The following SNX29 variants were observed in gnomAD, a reference collection of about 807,000 sequenced individuals.
The protein encoded by SNX29 is sorting nexin 29, also known as sorting nexin-29.
In SNX29, 78 loss-of-function variants were observed where a neutral mutation model predicts 102.1. The observed-to-expected ratio is 0.76, with a 90% confidence interval of 0.64 to 0.92. The LOEUF is 0.92. SNX29 is among the 40% of genes least tolerant of loss of function. The pLI, the probability that SNX29 is intolerant of heterozygous loss-of-function variation, is 0.00. For missense variants in SNX29, 1,280 were observed against 1,061.7 expected (o/e 1.21, Z -2.86); for synonymous variants, 580 against 414.5 (o/e 1.40, Z -4.85).
At chr16:12,536,932 C>T (rs970381328) in intron 20 of SNX29, among the ~76,000 whole-genome samples, 3 of 152,094 alleles carry the variant, frequency 2.0e-5, no homozygotes, top group South Asian at 2.1e-4. Context: ...GCCGAGATCA[C>T]AGCACTGCAC....
intron 14 of SNX29, among the ~76,000 whole-genome samples, chr16:12,248,802 T>C (rs555062291): frequency 2.8e-4 from 43 of 152,004 alleles, no homozygotes; most frequent in Non-Finnish European, 5.7e-4. Flanking sequence ...GTGCAGCTTT[T>C]AGCAGCACAT....
intron 15 of SNX29, among the ~76,000 whole-genome samples, chr16:12,328,318 T>C (rs2081185701): frequency 6.6e-6 from 1 of 152,256 alleles, no homozygotes; most frequent in Non-Finnish European, 1.5e-5. Flanking sequence ...AGATTATTTA[T>C]TGTAGCAACT....
At chr16:12,010,563 C>T (rs1182347552) in intron 3 of SNX29, among the ~76,000 whole-genome samples, 2 of 152,064 alleles carry the variant, frequency 1.3e-5, no homozygotes, top group African/African-American at 4.8e-5. Context: ...GAGGTCGAGG[C>T]TGCAGTGAGT....
At chr16:12,294,633 A>G (rs143319093) in intron 15 of SNX29, among the ~76,000 whole-genome samples, 2 of 152,224 alleles carry the variant, frequency 1.3e-5, no homozygotes, top group African/African-American at 4.8e-5. Flanking sequence ...GCCTATGCTC[A>G]GCGGGGAGCA....
intron 4 of SNX29, among the ~76,000 whole-genome samples, chr16:12,030,463 C>T (rs550807239): frequency 1.4e-4 from 22 of 152,354 alleles, no homozygotes; most frequent in African/African-American, 5.1e-4. Flanking sequence ...GGCTTCCTCC[C>T]AGCCTTCTCC....
At chr16:12,006,516 GAAAAA>G (rs758929005) in intron 3 of SNX29, among the ~76,000 whole-genome samples, 1 of 54,368 alleles carries the variant, frequency 1.8e-5, no homozygotes, top group Non-Finnish European at 3.9e-5. Context: ...TACTGTCTCA[GAAAAA>G]AAAAAAAAAA....
At chr16:12,452,357 C>CTTACCG (rs1359766921) in intron 18 of SNX29, among the ~76,000 whole-genome samples, 12 of 19,058 alleles carry the variant, frequency 6.3e-4, no homozygotes, top group Non-Finnish European at 8.4e-5. Context: ...ATGCACAGGA[C>CTTACCG]AGCTCCCATA....
intron 13 of SNX29, among the ~76,000 whole-genome samples, chr16:12,185,796 G>C (rs1210129718): frequency 6.6e-6 from 1 of 152,232 alleles, no homozygotes; most frequent in East Asian, 1.9e-4. Context: ...AACTGCAACT[G>C]TGCAGCAGTC....
At chr16:12,060,213 G>C (rs577899318) in intron 8 of SNX29, among the ~76,000 whole-genome samples, 9 of 152,134 alleles carry the variant, frequency 5.9e-5, no homozygotes, top group Non-Finnish European at 1.2e-4. Flanking sequence ...CATTTGGATT[G>C]TATTAGGTAT....
At chr16:11,983,864 T>C (rs1442900589) in intron 1 of SNX29, among the ~76,000 whole-genome samples, 1 of 152,136 alleles carries the variant, frequency 6.6e-6, no homozygotes, top group East Asian at 1.9e-4. Flanking sequence ...GGCCGTATAT[T>C]TGCAGTGGGG....
At chr16:12,425,574 CAG>C (rs2085039908) in intron 18 of SNX29, among the ~76,000 whole-genome samples, 1 of 134,762 alleles carries the variant, frequency 7.4e-6, no homozygotes. Flanking sequence ...GAATAGAAAA[CAG>C]AGGCAGGGTG....
At chr16:12,218,856 G>A (rs1281380152) in intron 14 of SNX29, among the ~76,000 whole-genome samples, 1 of 151,972 alleles carries the variant, frequency 6.6e-6, no homozygotes, top group Non-Finnish European at 1.5e-5. Context: ...CTCACTGCAA[G>A]CTCCACCTGC....
At chr16:12,158,752 C>G (rs992932418) in intron 13 of SNX29, among the ~76,000 whole-genome samples, 1 of 152,192 alleles carries the variant, frequency 6.6e-6, no homozygotes, top group Non-Finnish European at 1.5e-5. Context: ...CATTTCCTGC[C>G]GTGTGACCTC....
Position 12,552,366 on chromosome 16 carries a change from G to A in SNX29, c.2319-16140G>A, listed in dbSNP as rs7188575. On this transcript the variant is annotated intron_variant, in intron 20 of 20. Transcript: ENST00000566228. ...GTGAGGGTTTAATAAGCCAATACACGTGTAAGACAGCAAGCATGGTACCTG... is the reference window on the plus strand; with the variant it reads ...GTGAGGGTTTAATAAGCCAATACACATGTAAGACAGCAAGCATGGTACCTG... 7.7e-4 allele frequency among the ~76,000 whole-genome samples: 117 copies of A among 152,188 alleles called. 1 individual carries two copies. In the Middle Eastern group the frequency reaches 0.014, roughly 18 times the overall value.
chr16:12,130,391 C>T (rs1214121094), intron 13 of SNX29, among the ~76,000 whole-genome samples: 3 of 135,918 alleles, frequency 2.2e-5, no homozygotes, highest in South Asian at 2.4e-4. Context: ...AGGAGAATGG[C>T]GTGAACCTGG....
intron 15 of SNX29, among the ~76,000 whole-genome samples, chr16:12,307,739 T>C (rs2080385071): frequency 6.6e-6 from 1 of 152,264 alleles, no homozygotes; most frequent in African/African-American, 2.4e-5. Context: ...AAGGCCTAGA[T>C]GCCTTTGCTA....
At chr16:12,374,273 G>C (rs953286753) in intron 16 of SNX29, 1 of 126,740 alleles carries the variant, frequency 7.9e-6, no homozygotes, top group African/African-American at 2.5e-5. Flanking sequence ...CTGTCCCCTG[G>C]ACTCACACAG....
chr16:12,023,330 C>G (rs1443807877), intron 3 of SNX29, among the ~76,000 whole-genome samples: 1 of 151,248 alleles, frequency 6.6e-6, no homozygotes, highest in African/African-American at 2.4e-5. Context: ...GCTGACCTCT[C>G]CAGTGAAGCC....
At chr16:12,097,031 G>A (rs2052794265) in intron 11 of SNX29, among the ~76,000 whole-genome samples, 1 of 152,210 alleles carries the variant, frequency 6.6e-6, no homozygotes, top group Non-Finnish European at 1.5e-5. Context: ...TGCAAAGGGG[G>A]CTGACAGTGA....
Sources: allele counts gnomAD v4.1 joint callset (sites outside exome capture counted in the v4.1 genomes callset), GRCh38; gene constraint gnomAD v4.1.1; transcripts MANE v1.5; gene names NCBI Gene and HGNC (gene_info 2026-07-23, HGNC 2026-07-21).